The following LRRC57 variants were observed in gnomAD, a reference collection of about 807,000 sequenced individuals.
The protein encoded by LRRC57 is leucine-rich repeat-containing protein 57.
LRRC57 carries 14 observed loss-of-function variants against 23.1 expected under a neutral mutation model. The ratio of observed to expected loss-of-function variants is 0.61; its 90% confidence interval spans 0.40 to 0.95. The LOEUF (loss-of-function observed/expected upper bound fraction) is 0.95. Ranked by LOEUF, LRRC57 falls within the 40% of genes least tolerant of loss-of-function variation. The probability of loss-of-function intolerance (pLI) is 0.00; values close to 1 mark genes in which losing one functional copy is unlikely to be tolerated. For synonymous variants in LRRC57, 106 were observed against 115.2 expected, an observed-to-expected ratio of 0.92 and a Z score of 0.51; for missense variants, 236 against 284.4, an observed-to-expected ratio of 0.83 and a Z score of 1.22.
rs904489287 is a variant in LRRC57 at position 42,544,593 on chromosome 15, C to T, written c.679-469G>A. On this transcript the variant is annotated intron_variant, in intron 5 of 5. Coordinates refer to ENST00000397130, the MANE Select transcript of LRRC57 (RefSeq NM_153260.3). ...ATCCCAGCACCTTGGGAGGCTGCGG[C>T]GGGCAGATCACTTCAGCCCAGGAGT... 4.6e-5 allele frequency among the ~76,000 whole-genome samples: 7 copies of T among 151,952 alleles called. No individual in the cohort carries two copies. In the East Asian group the frequency reaches 7.7e-4, roughly 17 times the overall value.
the LRRC57 span, chr15:42,532,110 G>C: frequency 2.0e-5 from 3 of 149,508 alleles, no homozygotes; most frequent in African/African-American, 7.4e-5. Context: ...TTTTTTTTTG[G>C]AGTCAGAGTC....
At chr15:42,531,804 G>GA in the LRRC57 span, 2,976 of 193,734 alleles carry the variant, frequency 0.015, 44 homozygotes, top group Non-Finnish European at 0.02. Flanking sequence ...AGACAGCCAT[G>GA]AAGAAGGAAG....
chr15:42,535,410 A>AC (rs1388553119), downstream of LRRC57, among the ~76,000 whole-genome samples: 1 of 150,848 alleles, frequency 6.6e-6, no homozygotes, highest in African/African-American at 2.4e-5. Context: ...CACTTGGTTA[A>AC]CCGGCGTAAG....
Position 42,545,189 on chromosome 15 carries a change from T to C in LRRC57, c.566A>G (p.Glu189Gly). ...GATGCTCTGGGGAAGCATGCTGAGCTCAAGACAATTCTCTTCCAGGCGAAG... is the reference window on the plus strand; with the variant it reads ...GATGCTCTGGGGAAGCATGCTGAGCCCAAGACAATTCTCTTCCAGGCGAAG... ...KILRLEENCL[E>G]LSMLPQSILS... The change falls in exon 5 of 6, where the codon GAG becomes GGG. Residue 189 changes from glutamate to glycine, a missense_variant. By Grantham distance (98) the Glu-to-Gly change is moderately conservative. Transcript: ENST00000397130. 1 of 1,611,212 alleles carries C rather than the reference T, an allele frequency of 6.2e-7. No individual in the cohort carries two copies.
chr15:42,535,015 C>T (rs563640275), downstream of LRRC57, among the ~76,000 whole-genome samples: 19 of 152,294 alleles, frequency 1.2e-4, no homozygotes, highest in South Asian at 1.0e-3. Context: ...CTCTATTAGC[C>T]TCTAACAAGA....
Position 42,548,146 on chromosome 15 carries a change from G to A in LRRC57, c.183C>T (p.Phe61=). 1 of 1,614,214 alleles carries A rather than the reference G, an allele frequency of 6.2e-7. No individual in the cohort carries two copies. Among genetic ancestry groups the A allele is most frequent in the Non-Finnish European group, 8.5e-7 (1 of 1,180,034 alleles). Residue 61 remains phenylalanine, a synonymous_variant, in exon 3 of 6, where the codon TTC becomes TTT. Coordinates refer to ENST00000397130, the MANE Select transcript of LRRC57 (RefSeq NM_153260.3). ...ESLPPLLIGK[F]TLLKSLSLNN... The stretch of plus-strand genomic sequence containing the variant: ...TCAGGGAGAGGCTCTTCAGCAGAGT[G>A]AACTTTCCTATCAGCAAAGGCGGTA...
the LRRC57 span, chr15:42,531,497 T>G: frequency 3.8e-6 from 6 of 1,580,932 alleles, no homozygotes; most frequent in African/African-American, 6.7e-5. Context: ...CTGTTCTTCT[T>G]TATCATTTAT....
rs116509460 is a variant in LRRC57 at position 42,548,776 on chromosome 15, C to T, written c.-106G>A. On this transcript the variant is annotated 5_prime_UTR_variant, in exon 1 of 6. Transcript: ENST00000397130. ...CGGGATGCGCTCCCCGGCTTAGTCC[C>T]GGGCGGGAACGCCCTGTGACGTCAT... is the stretch of plus-strand genomic sequence containing the variant. The T allele has an allele frequency of 4.6e-3, 4,093 of 885,012 alleles. 106 individuals carry two copies. In the African/African-American group the frequency reaches 0.062, roughly 13 times the overall value. The allele number at this position is 885,012 out of a possible 1,614,324, so 54.8% of individuals were successfully genotyped here.
chr15:42,544,254 T>C (rs2057645460), intron 5 of LRRC57, 130 bp from the exon 6 acceptor site: 2 of 687,834 alleles, frequency 2.9e-6, no homozygotes, highest in Non-Finnish European at 4.9e-6. Flanking sequence ...ATAACTGCTG[T>C]AAATGCAAAA....
intron 5 of LRRC57, among the ~76,000 whole-genome samples, chr15:42,544,621 G>C (rs2057647158): frequency 6.6e-6 from 1 of 151,938 alleles, no homozygotes; most frequent in African/African-American, 2.4e-5. Flanking sequence ...CCAGGAGTTT[G>C]AGACCAGCTT....
chr15:42,536,352 T>C (rs2057600679), downstream of LRRC57, among the ~76,000 whole-genome samples: 1 of 152,208 alleles, frequency 6.6e-6, no homozygotes, highest in Non-Finnish European at 1.5e-5. Context: ...CTACATAGCA[T>C]TGTATTGCAT....
chr15:42,547,496 T>C lies in LRRC57; in HGVS notation c.257A>G (p.Lys86Arg). The C allele has an allele frequency of 6.2e-7, 1 of 1,613,464 alleles. No individual in the cohort carries two copies. The highest frequency in any genetic ancestry group is 8.5e-7 in the Non-Finnish European group (1 of 1,179,522). ...GTTGTTTAGGCTTAGCGTCTCTAGT[T>C]TTTTCAGATTGCATATCTCATCAGG... Reference protein sequence around the residue: ...VLPDEICNLKKLETLSLNNNH... With the variant: ...VLPDEICNLKRLETLSLNNNH... The change falls in exon 4 of 6, where the codon AAA (lysine) becomes AGA (arginine). Residue 86 changes from lysine (K) to arginine (R), a missense_variant. Lys to Arg is a conservative substitution (Grantham distance 26, BLOSUM62 2). Transcript: ENST00000397130.
At chr15:42,544,591 G>A (rs903326336) in intron 5 of LRRC57, among the ~76,000 whole-genome samples, 5 of 151,846 alleles carry the variant, frequency 3.3e-5, no homozygotes, top group South Asian at 2.1e-4. Flanking sequence ...GGGAGGCTGC[G>A]GCGGGCAGAT....
chr15:42,528,608 CAG>C, the LRRC57 span, among the ~76,000 whole-genome samples: 1 of 152,176 alleles, frequency 6.6e-6, no homozygotes, highest in South Asian at 2.1e-4. Context: ...TGTTTTGAGA[CAG>C]AGTCTTGCTG....
At chr15:42,547,858 C>T (rs2057669620) in intron 3 of LRRC57, 3 of 560,184 alleles carry the variant, frequency 5.4e-6, no homozygotes, top group Non-Finnish European at 9.4e-6. Context: ...GTTTACATTA[C>T]ATCCCCAAAA....
the LRRC57 span, chr15:42,529,594 TA>T: frequency 7.0e-7 from 1 of 1,426,042 alleles, no homozygotes; most frequent in Non-Finnish European, 9.6e-7. Flanking sequence ...TCATTTTGGT[TA>T]CTTACTTTTG....
the LRRC57 span, among the ~76,000 whole-genome samples, chr15:42,531,121 T>C: frequency 6.6e-6 from 1 of 152,220 alleles, no homozygotes; most frequent in Non-Finnish European, 1.5e-5. Flanking sequence ...AAAAATGCCA[T>C]TGATTACAGG....
the LRRC57 span, chr15:42,529,825 A>C: frequency 3.1e-6 from 5 of 1,609,838 alleles, no homozygotes; most frequent in Non-Finnish European, 4.2e-6. Context: ...ACAAGGTAAA[A>C]GCTTTTTATT....
intron 4 of LRRC57, among the ~76,000 whole-genome samples, chr15:42,546,600 G>A (rs1054717897): frequency 7.9e-5 from 12 of 152,228 alleles, no homozygotes; most frequent in African/African-American, 2.9e-4. Flanking sequence ...AAAACTAAAG[G>A]CCATCCAGTC....
Sources: allele counts gnomAD v4.1 joint callset (sites outside exome capture counted in the v4.1 genomes callset), GRCh38; gene constraint gnomAD v4.1.1; transcripts MANE v1.5; gene names NCBI Gene and HGNC (gene_info 2026-07-23, HGNC 2026-07-21).